Variants in HBP1 observed in about 807,000 individuals in gnomAD.
The protein encoded by HBP1 is HMG-box transcription factor 1.
A neutral mutation model predicts 62.6 loss-of-function variants in HBP1; 20 were observed. The observed-to-expected ratio is 0.32, with a 90% CI of 0.22 to 0.46. The LOEUF (loss-of-function observed/expected upper bound fraction) is 0.46. Ranked by LOEUF, HBP1 falls within the 20% of genes least tolerant of loss-of-function variation. HBP1 has a pLI of 1.00. For synonymous variants in HBP1, 232 were observed against 206.2 expected, an observed-to-expected ratio of 1.12 and a Z score of -1.07; for missense variants, 480 against 611.8, an observed-to-expected ratio of 0.78 and a Z score of 2.27.
chr7:107,180,950 C>A (rs529767174), intron 2 of HBP1, among the ~76,000 whole-genome samples: 5 of 152,250 alleles, frequency 3.3e-5, no homozygotes, highest in African/African-American at 9.6e-5. Context: ...CCCCTTCCAC[C>A]TATGACTTCG....
At chr7:107,176,109 T>A (rs1796837533) in intron 1 of HBP1, among the ~76,000 whole-genome samples, 1 of 151,390 alleles carries the variant, frequency 6.6e-6, no homozygotes, top group Non-Finnish European at 1.5e-5. Context: ...CACTGCAACC[T>A]CTGTCTCCCG....
chr7:107,188,817 G>A (rs189033796), intron 6 of HBP1, among the ~76,000 whole-genome samples: 1 of 152,220 alleles, frequency 6.6e-6, no homozygotes, highest in Non-Finnish European at 1.5e-5. Flanking sequence ...TACCTTCTAA[G>A]CAAAAATTGT....
At chr7:107,195,335 G>C (rs1797841701) in intron 8 of HBP1, among the ~76,000 whole-genome samples, 1 of 152,082 alleles carries the variant, frequency 6.6e-6, no homozygotes. Flanking sequence ...AGTTCCTTTA[G>C]CCACATTTAA....
At chr7:107,198,932 A>C (rs1315992834) in intron 9 of HBP1, among the ~76,000 whole-genome samples, 4 of 152,158 alleles carry the variant, frequency 2.6e-5, no homozygotes, top group Non-Finnish European at 5.9e-5. Context: ...CCCTTCAAAA[A>C]CATCTCATGT....
chr7:107,196,414 G>A (rs1253742585), intron 9 of HBP1: 21 of 419,296 alleles, frequency 5.0e-5, no homozygotes, highest in Admixed American at 1.0e-4. Flanking sequence ...GACTACAGGC[G>A]CCCACCACCA....
intron 9 of HBP1, among the ~76,000 whole-genome samples, chr7:107,197,802 A>G (rs1005686691): frequency 6.6e-6 from 1 of 152,186 alleles, no homozygotes; most frequent in Non-Finnish European, 1.5e-5. Flanking sequence ...TGTGTTTTTT[A>G]AAAAAAGTTA....
intron 10 of HBP1, chr7:107,200,678 C>CTTAA (rs781571755): frequency 4.8e-4 from 75 of 156,606 alleles, no homozygotes; most frequent in Admixed American, 1.5e-3. Flanking sequence ...GCTTTTTTTC[C>CTTAA]TTAATTGGTG....
At chr7:107,170,684 A>T (rs935461763) in intron 1 of HBP1, among the ~76,000 whole-genome samples, 1 of 152,002 alleles carries the variant, frequency 6.6e-6, no homozygotes, top group Non-Finnish European at 1.5e-5. Flanking sequence ...TGAAGTTTTG[A>T]TTTCACTTTC....
chr7:107,198,741 T>C (rs1311796785), intron 9 of HBP1, among the ~76,000 whole-genome samples: 5 of 152,216 alleles, frequency 3.3e-5, no homozygotes, highest in African/African-American at 9.6e-5. Flanking sequence ...GTCAGAGACA[T>C]GTAGCTCATT....
chr7:107,169,989 G>T, intron 1 of HBP1: 3 of 985,444 alleles, frequency 3.0e-6, no homozygotes, highest in Non-Finnish European at 3.6e-6. Context: ...CAAACCAGGC[G>T]AAGTGGACAG....
chr7:107,202,122 A>G lies in HBP1; in HGVS notation c.*691A>G, dbSNP rs543667847. The G allele has an allele frequency of 2.0e-5, 3 of 152,798 alleles. No individual in the cohort carries two copies. The South Asian group carries it at 6.2e-4, about 32-fold the overall frequency. 9.5% of individuals were successfully genotyped at this position (152,798 alleles called of 1,614,324 possible). On this transcript the variant is annotated 3_prime_UTR_variant, in exon 11 of 11. Coordinates refer to ENST00000222574, the MANE Select transcript of HBP1 (RefSeq NM_012257.4). ...GGCCAAGGTAAAGTTAGTTAATAGCATTGGGATATAGTCACTGTAATGGTG... is the reference window on the plus strand; with the variant it reads ...GGCCAAGGTAAAGTTAGTTAATAGCGTTGGGATATAGTCACTGTAATGGTG...
At chr7:107,169,248 G>A in intron 1 of HBP1, 63 bp downstream of exon 1, 1 of 870,218 alleles carries the variant, frequency 1.1e-6, no homozygotes, top group Non-Finnish European at 1.5e-6. Flanking sequence ...GAGCGCGGGG[G>A]ATTGGGCAGA....
At chr7:107,196,570 G>A (rs577481630) in intron 9 of HBP1, 2 of 249,656 alleles carry the variant, frequency 8.0e-6, no homozygotes, top group South Asian at 8.2e-5. Context: ...GCCCGGCCAG[G>A]TTGACTTTAA....
intron 1 of HBP1, among the ~76,000 whole-genome samples, chr7:107,171,230 C>A (rs1796578699): frequency 6.6e-6 from 1 of 150,694 alleles, no homozygotes; most frequent in African/African-American, 2.4e-5. Context: ...CCACCACTCT[C>A]AACTAATTTT....
intron 2 of HBP1, among the ~76,000 whole-genome samples, chr7:107,181,126 A>G (rs574745206): frequency 7.9e-5 from 12 of 152,270 alleles, no homozygotes; most frequent in African/African-American, 2.9e-4. Flanking sequence ...TGGCTCCTTC[A>G]TGACTCCATG....
intron 1 of HBP1, chr7:107,170,050 T>G: frequency 4.1e-6 from 4 of 985,296 alleles, no homozygotes; most frequent in Non-Finnish European, 4.8e-6. Context: ...TGTTTCACTC[T>G]CCGCTGTGCA....
chr7:107,197,562 GTTTCACTATGT>G (rs1797982165), intron 9 of HBP1, among the ~76,000 whole-genome samples: 1 of 152,088 alleles, frequency 6.6e-6, no homozygotes, highest in Admixed American at 6.5e-5. Context: ...TAGACATGGG[GTTTCACTATGT>G]TGGCCAGGCT....
intron 1 of HBP1, among the ~76,000 whole-genome samples, chr7:107,178,750 TG>T (rs1470392529): frequency 6.6e-6 from 1 of 152,152 alleles, no homozygotes; most frequent in Non-Finnish European, 1.5e-5. Flanking sequence ...GTACTTTTTT[TG>T]GCCAGGTGCG....
intron 3 of HBP1, among the ~76,000 whole-genome samples, chr7:107,185,203 A>G (rs531253151): frequency 1.1e-4 from 17 of 152,180 alleles, no homozygotes; most frequent in Non-Finnish European, 2.4e-4. Flanking sequence ...AGGAGAAAAA[A>G]TAACTAGACC....
Sources: allele counts gnomAD v4.1 joint callset (sites outside exome capture counted in the v4.1 genomes callset), GRCh38; gene constraint gnomAD v4.1.1; transcripts MANE v1.5; gene names NCBI Gene and HGNC (gene_info 2026-07-23, HGNC 2026-07-21).